Variants in PDE9A observed in about 807,000 individuals in gnomAD.
PDE9A encodes the protein high affinity cGMP-specific 3',5'-cyclic phosphodiesterase 9A.
A neutral mutation model predicts 87.4 loss-of-function variants in PDE9A; 60 were observed. The observed-to-expected ratio is 0.69, with a 90% CI of 0.56 to 0.85. PDE9A has a LOEUF of 0.85. PDE9A is among the 40% of genes least tolerant of loss of function. The probability of loss-of-function intolerance (pLI) is 0.00; values close to 1 mark genes in which losing one functional copy is unlikely to be tolerated. For missense variants in PDE9A, 665 were observed against 779.0 expected, an observed-to-expected ratio of 0.85 and a Z score of 1.74; for synonymous variants, 272 against 279.4, an observed-to-expected ratio of 0.97 and a Z score of 0.27.
At chr21:42,685,747 C>T (rs1379732983) in intron 1 of PDE9A, among the ~76,000 whole-genome samples, 1 of 152,108 alleles carries the variant, frequency 6.6e-6, no homozygotes, top group Non-Finnish European at 1.5e-5. Flanking sequence ...GGATTACAGG[C>T]GTGAGCCACC....
chr21:42,727,920 T>A (rs1376802112), intron 4 of PDE9A, among the ~76,000 whole-genome samples: 1 of 152,206 alleles, frequency 6.6e-6, no homozygotes, highest in African/African-American at 2.4e-5. Context: ...CTCCCAGCAC[T>A]ATGTTAATTA....
intron 8 of PDE9A, among the ~76,000 whole-genome samples, chr21:42,747,098 C>T (rs533093616): frequency 9.8e-5 from 15 of 152,360 alleles, no homozygotes; most frequent in Non-Finnish European, 1.5e-4. Context: ...TGCCCCAGGC[C>T]GGCGTTGCCA....
rs1273009655 is a variant in PDE9A, at chr21:42,751,138, A to G, written c.676A>G (p.Ser226Gly). The change falls in exon 9 of 20, where the codon AGT becomes GGT. Residue 226 changes from serine to glycine, a missense_variant. By Grantham distance (56) the Ser-to-Gly change is moderately conservative. Coordinates refer to ENST00000291539, the MANE Select transcript of PDE9A (RefSeq NM_002606.3). ...TAGGACCAACTGCCCCTGTAAGTAC[A>G]GTTTTTTGGATAACCACAAGAAGTT... is the stretch of plus-strand genomic sequence containing the variant. ...SSRTNCPCKYSFLDNHKKLTP... is the reference protein window; with the variant it reads ...SSRTNCPCKYGFLDNHKKLTP... The G allele has an allele frequency of 6.2e-7, 1 of 1,612,110 alleles. No individual in the cohort carries two copies. Among genetic ancestry groups the G allele is most frequent in the South Asian group, 1.1e-5 (1 of 91,052 alleles).
intron 4 of PDE9A, among the ~76,000 whole-genome samples, chr21:42,729,485 C>T (rs774384619): frequency 2.2e-4 from 33 of 152,066 alleles, no homozygotes; most frequent in Admixed American, 3.3e-4. Flanking sequence ...TTTCTGTTAC[C>T]GGGATTTCTA....
intron 8 of PDE9A, among the ~76,000 whole-genome samples, chr21:42,747,118 C>A (rs1264500805): frequency 6.6e-6 from 1 of 152,232 alleles, no homozygotes; most frequent in Non-Finnish European, 1.5e-5. Flanking sequence ...ACACATGAAA[C>A]CCCTTCCTGT....
At chr21:42,741,717 C>T (rs891391743) in intron 7 of PDE9A, 1 of 109,416 alleles carries the variant, frequency 9.1e-6, no homozygotes, top group East Asian at 3.0e-4. Context: ...GAAACCCACC[C>T]GGGAGGCTGA....
chr21:42,765,532 G>A, intron 15 of PDE9A, 38 bp downstream of exon 15: 5 of 1,143,904 alleles, frequency 4.4e-6, no homozygotes, highest in African/African-American at 3.1e-5. Flanking sequence ...CAGCCAGGCG[G>A]TGGGCTGGCG....
At position 42,731,941 on chromosome 21, in the gene PDE9A, T is replaced by C. The variant is rs754413347; in HGVS notation, c.434T>C (p.Ile145Thr). ...GGCTGCTACCAGGAAGGCCAGCGCA[T>C]CCCTCCAGGTAACGGGCAGCTCCTC... Reference protein sequence around the residue: ...PQGCYQEGQRIPPEREELIQS... With the variant: ...PQGCYQEGQRTPPEREELIQS... The change falls in exon 5 of 20, where the codon ATC (isoleucine) becomes ACC (threonine). Residue 145 changes from isoleucine to threonine, a missense_variant. Coordinates refer to ENST00000291539, the MANE Select transcript of PDE9A (RefSeq NM_002606.3). The C allele has an allele frequency of 9.3e-6, 15 of 1,613,594 alleles. No homozygotes were observed. In the African/African-American group the frequency reaches 1.6e-4, roughly 17 times the overall value.
At position 42,660,267 on chromosome 21, in the gene PDE9A, C is replaced by T. The variant is rs949957519; in HGVS notation, c.69+6384C>T. 3.3e-5 allele frequency among the ~76,000 whole-genome samples: 5 copies of T among 152,312 alleles called. No individual in the cohort carries two copies. Among genetic ancestry groups the T allele is most frequent in the East Asian group, 1.9e-4 (1 of 5,186 alleles). On this transcript the variant is annotated intron_variant, in intron 1 of 19. Coordinates refer to ENST00000291539, the MANE Select transcript of PDE9A (RefSeq NM_002606.3). The surrounding 1 kb of genome is among the most constrained non-coding windows in gnomAD (Gnocchi z 4.7). ...ATAGCTGGGCCTGCCCCAGACAAAG[C>T]GTGTCTGCACTCCTTGGCTTTCTCC...
In PDE9A at chr21:42,731,818, G is replaced by C. The variant is rs559304227; in HGVS notation, c.311G>C (p.Arg104Thr). 1.2e-5 allele frequency: 19 copies of C among 1,614,100 alleles called. No individual in the cohort carries two copies. In the Admixed American group the frequency reaches 3.2e-4, roughly 27 times the overall value. ...ACAAGCCGTGGCCAGTCTGCTGAGA[G>C]ACCACTGAGGGACAGACGGGTTGTG... Reference protein sequence around the residue: ...RTTSRGQSAERPLRDRRVVGL... With the variant: ...RTTSRGQSAETPLRDRRVVGL... The change falls in exon 5 of 20, where the codon AGA (arginine) becomes ACA (threonine). Residue 104 changes from arginine (R) to threonine (T), a missense_variant. Transcript: ENST00000291539.
chr21:42,687,739 C>T (rs918214101), intron 2 of PDE9A, among the ~76,000 whole-genome samples, 178 bp from the exon 3 acceptor site: 3 of 152,182 alleles, frequency 2.0e-5, no homozygotes, highest in African/African-American at 7.2e-5. Context: ...ATTTCATTTA[C>T]AATCGGAGTC....
rs759448062 is a variant in PDE9A, at chr21:42,772,399, TC to T, written c.1687-38del. 2.9e-6 allele frequency: 4 copies of T among 1,377,020 alleles called. No homozygotes were observed. In the East Asian group the frequency reaches 9.3e-5, roughly 32 times the overall value. The allele number at this position is 1,377,020 out of a possible 1,614,324, so 85.3% of individuals were successfully genotyped here. ...GAGAGGCAGACACTCCCCTGCTGTC[TC>T]CTGCTCCCTGACTTGGCCTTCTCTG... On this transcript the variant is annotated intron_variant, in intron 18 of 19. Coordinates refer to ENST00000291539, the MANE Select transcript of PDE9A (RefSeq NM_002606.3).
rs1250161404 is a variant in PDE9A, at chr21:42,653,828, C to T, written c.14C>T (p.Ser5Phe). The T allele has an allele frequency of 6.4e-7, 1 of 1,565,672 alleles. No homozygotes were observed. The highest frequency in any genetic ancestry group is 8.6e-7 in the Non-Finnish European group (1 of 1,156,980). The part of the protein sequence containing the change: MGSG[S>F]SSYRPKAIYL... ...GCCGGGCGCAGGATGGGATCCGGCT[C>T]CTCCAGCTACCGGCCCAAGGCCATC... is the stretch of plus-strand genomic sequence containing the variant. The change falls in exon 1 of 20, where the codon TCC becomes TTC. Residue 5 changes from serine to phenylalanine, a missense_variant. Physicochemically the swap from Ser to Phe is radical, Grantham distance 155 (BLOSUM62 -2). Transcript: ENST00000291539.
At position 42,760,673 on chromosome 21, in the gene PDE9A, C is replaced by A; in HGVS notation, c.1003-152C>A. The A allele has an allele frequency of 1.5e-6, 1 of 652,898 alleles. No individual in the cohort carries two copies. Among genetic ancestry groups the A allele is most frequent in the South Asian group, 1.7e-5 (1 of 57,398 alleles). 40.4% of individuals were successfully genotyped at this position (652,898 alleles called of 1,614,324 possible). ...TGGTCACCCCCCCAACCCCCACAGGCAGGCCGATCCTCTCCCACCATGCCA... is the reference window on the plus strand; with the variant it reads ...TGGTCACCCCCCCAACCCCCACAGGAAGGCCGATCCTCTCCCACCATGCCA... On this transcript the variant is annotated intron_variant, in intron 12 of 19. Transcript: ENST00000291539. This position sits in a 1 kb window ranked among gnomAD's most constrained non-coding sequence, Gnocchi z 5.2.
At chr21:42,697,574 G>A in intron 3 of PDE9A, 1 of 881,076 alleles carries the variant, frequency 1.1e-6, no homozygotes, top group Non-Finnish European at 1.9e-6. Context: ...TAAACAGCTA[G>A]ACATTGAGTT....
rs1465550104 is a variant in PDE9A, at chr21:42,658,420, G to A, written c.69+4537G>A. Among the ~76,000 whole-genome samples, 3 of 152,166 alleles carry A rather than the reference G, an allele frequency of 2.0e-5. No homozygotes were observed. In the East Asian group the frequency reaches 5.8e-4, roughly 29 times the overall value. On this transcript the variant is annotated intron_variant, in intron 1 of 19. Coordinates refer to ENST00000291539, the MANE Select transcript of PDE9A (RefSeq NM_002606.3). ...GCTGCTGTTTCCCCCAGCTCCTCAGGGGAGAGGAGTGCACTGCCCCAACCT... is the reference window on the plus strand; with the variant it reads ...GCTGCTGTTTCCCCCAGCTCCTCAGAGGAGAGGAGTGCACTGCCCCAACCT...
intron 8 of PDE9A, among the ~76,000 whole-genome samples, chr21:42,749,954 A>G (rs930888201): frequency 1.3e-5 from 2 of 152,212 alleles, no homozygotes. Context: ...CCTGGCCAAC[A>G]TGGTGAAACC....
chr21:42,766,873 G>A (rs988698327), intron 15 of PDE9A, among the ~76,000 whole-genome samples: 3 of 152,134 alleles, frequency 2.0e-5, no homozygotes, highest in African/African-American at 7.3e-5. Context: ...TGGGAGGAGA[G>A]GTCAGGGAAG....
rs932556043 is a variant in PDE9A at position 42,668,295 on chromosome 21, G to T, written c.69+14412G>T. 8.5e-5 allele frequency among the ~76,000 whole-genome samples: 13 copies of T among 152,252 alleles called. No individual in the cohort carries two copies. In the South Asian group the frequency reaches 1.2e-3, roughly 15 times the overall value. On this transcript the variant is annotated intron_variant, in intron 1 of 19. Coordinates refer to ENST00000291539, the MANE Select transcript of PDE9A (RefSeq NM_002606.3). ...GGAGCCCAGATTCCAGGGAAGGGTT[G>T]CATTAGCTCCCACTCGGAGTCCTGA... is the stretch of plus-strand genomic sequence containing the variant.
Sources: gnomAD v4.1 joint callset for allele counts (sites outside exome capture counted in the v4.1 genomes callset) on GRCh38, gnomAD v4.1.1 for gene constraint, Gnocchi (gnomAD v3.1) non-coding constraint, MANE v1.5 for transcripts, NCBI Gene and HGNC (gene_info 2026-07-23, HGNC 2026-07-21) for gene names.